MEIKIN: variants seen among roughly 807,000 people sequenced by gnomAD.
The protein encoded by MEIKIN is meiotic kinetochore factor, also known as meiosis-specific kinetochore protein.
intron 9 of MEIKIN, among the ~76,000 whole-genome samples, chr5:131,869,711 T>C (rs1407615213): frequency 6.6e-6 from 1 of 152,232 alleles, no homozygotes; most frequent in Non-Finnish European, 1.5e-5. Context: ...CTCCTGGAAG[T>C]AAAACTCACA....
chr5:131,870,302 A>G (rs933812076), intron 9 of MEIKIN, among the ~76,000 whole-genome samples: 3 of 152,116 alleles, frequency 2.0e-5, no homozygotes, highest in Admixed American at 6.5e-5. Context: ...AGCATTCAAC[A>G]CTGTTGACCA....
At chr5:131,816,354 A>T (rs1178148734) in intron 12 of MEIKIN, among the ~76,000 whole-genome samples, 1 of 152,246 alleles carries the variant, frequency 6.6e-6, no homozygotes, top group Non-Finnish European at 1.5e-5. Flanking sequence ...AATATCTACA[A>T]TAAACTTTAT....
chr5:131,931,128 T>C (rs773486655), intron 5 of MEIKIN, among the ~76,000 whole-genome samples: 22 of 152,214 alleles, frequency 1.4e-4, no homozygotes, highest in African/African-American at 3.4e-4. Flanking sequence ...TGAATAAGCC[T>C]ACCCAGGGAT....
chr5:131,831,718 T>C (rs1245501672), intron 11 of MEIKIN, among the ~76,000 whole-genome samples: 1 of 152,186 alleles, frequency 6.6e-6, no homozygotes, highest in Non-Finnish European at 1.5e-5. Flanking sequence ...CAGGTTTAAC[T>C]GGACTTACAG....
At chr5:131,943,999 C>G (rs1751918693) in intron 3 of MEIKIN, among the ~76,000 whole-genome samples, 3 of 151,366 alleles carry the variant, frequency 2.0e-5, no homozygotes, top group Non-Finnish European at 4.4e-5. Context: ...CACATCTACT[C>G]AGGAGGTTGG....
At chr5:131,853,158 T>C (rs751753841) in intron 10 of MEIKIN, among the ~76,000 whole-genome samples, 2 of 152,172 alleles carry the variant, frequency 1.3e-5, no homozygotes, top group Non-Finnish European at 2.9e-5. Flanking sequence ...GATTGGAAAA[T>C]TGTATCTATA....
chr5:131,940,120 T>C (rs1751844384), intron 4 of MEIKIN, among the ~76,000 whole-genome samples: 1 of 152,150 alleles, frequency 6.6e-6, no homozygotes, highest in African/African-American at 2.4e-5. Flanking sequence ...TTGACAGAAG[T>C]ATATAGAGTG....
At chr5:131,916,775 A>C in intron 7 of MEIKIN, 111 bp downstream of exon 7, 1 of 386,044 alleles carries the variant, frequency 2.6e-6, no homozygotes, top group Non-Finnish European at 4.6e-6. Flanking sequence ...TGAGTCCTCA[A>C]CAAATAATAA....
At chr5:131,880,210 C>T (rs190149859) in intron 8 of MEIKIN, among the ~76,000 whole-genome samples, 41 of 152,180 alleles carry the variant, frequency 2.7e-4, no homozygotes, top group Non-Finnish European at 5.6e-4. Context: ...CTGTCTCAGC[C>T]ACCCGAGTAG....
chr5:131,875,268 C>T (rs1193057082), intron 9 of MEIKIN, among the ~76,000 whole-genome samples: 2 of 152,192 alleles, frequency 1.3e-5, no homozygotes, highest in East Asian at 1.9e-4. Flanking sequence ...CCAAAATCTC[C>T]TTAAGCTGAT....
chr5:131,928,751 A>G (rs1487361746), intron 5 of MEIKIN, among the ~76,000 whole-genome samples: 1 of 152,170 alleles, frequency 6.6e-6, no homozygotes, highest in Non-Finnish European at 1.5e-5. Context: ...ATAATTAGTG[A>G]GCTTGAGGAC....
At chr5:131,883,687 T>A (rs1426401702) in intron 8 of MEIKIN, among the ~76,000 whole-genome samples, 2 of 152,136 alleles carry the variant, frequency 1.3e-5, no homozygotes, top group African/African-American at 4.8e-5. Flanking sequence ...AAAAGCACCT[T>A]CATAAGAACC....
chr5:131,918,230 C>T (rs1396198380), intron 6 of MEIKIN, among the ~76,000 whole-genome samples: 1 of 152,190 alleles, frequency 6.6e-6, no homozygotes, highest in Admixed American at 6.5e-5. Flanking sequence ...GAAATGGATC[C>T]TACCGATATC....
intron 7 of MEIKIN, among the ~76,000 whole-genome samples, chr5:131,914,469 G>A (rs192074188): frequency 7.1e-6 from 1 of 139,914 alleles, no homozygotes; most frequent in African/African-American, 2.6e-5. Flanking sequence ...GGGAGAGAGA[G>A]AGAGAAAGAA....
At chr5:131,816,974 G>C (rs749486633) in intron 12 of MEIKIN, among the ~76,000 whole-genome samples, 1 of 152,100 alleles carries the variant, frequency 6.6e-6, no homozygotes, top group African/African-American at 2.4e-5. Context: ...GTTTCCAGAA[G>C]AGACTGGCAT....
At chr5:131,916,246 T>G (rs989103773) in intron 7 of MEIKIN, among the ~76,000 whole-genome samples, 5 of 152,236 alleles carry the variant, frequency 3.3e-5, no homozygotes, top group African/African-American at 1.2e-4. Context: ...TTTACAATTG[T>G]CACTGTCATT....
At chr5:131,938,778 A>C (rs555221165) in intron 4 of MEIKIN, among the ~76,000 whole-genome samples, 1 of 152,232 alleles carries the variant, frequency 6.6e-6, no homozygotes, top group Admixed American at 6.5e-5. Flanking sequence ...TTGTATTGTC[A>C]TTGTCCTTCA....
chr5:131,922,491 G>A (rs1417370529), intron 5 of MEIKIN, among the ~76,000 whole-genome samples: 1 of 151,888 alleles, frequency 6.6e-6, no homozygotes, highest in African/African-American at 2.4e-5. Context: ...AAGTATATAG[G>A]AGGATGTGCA....
intron 8 of MEIKIN, among the ~76,000 whole-genome samples, chr5:131,880,004 C>A (rs1750678508): frequency 6.6e-6 from 1 of 152,148 alleles, no homozygotes; most frequent in South Asian, 2.1e-4. Context: ...ACGGCAAACT[C>A]CACCTCTCGG....
Sources: allele counts gnomAD v4.1 joint callset (sites outside exome capture counted in the v4.1 genomes callset), GRCh38; gene constraint gnomAD v4.1.1; transcripts MANE v1.5; gene names NCBI Gene and HGNC (gene_info 2026-07-23, HGNC 2026-07-21).